SCEL: variants seen among roughly 807,000 people sequenced by gnomAD.
The protein encoded by SCEL is sciellin.
A neutral mutation model predicts 117.6 loss-of-function variants in SCEL; 113 were observed. The observed-to-expected ratio is 0.96, with a 90% CI of 0.83 to 1.12. The LOEUF is 1.12. SCEL is among the 50% of genes most tolerant of loss of function. SCEL has a pLI of 0.00. For synonymous variants in SCEL, 270 were observed against 256.2 expected (o/e 1.05, Z -0.51); for missense variants, 785 against 810.8 (o/e 0.97, Z 0.39).
intron 25 of SCEL, 27 bp from the exon 26 acceptor site, chr13:77,617,776 G>A: frequency 6.3e-7 from 1 of 1,576,344 alleles, no homozygotes. Flanking sequence ...AAATTAACCT[G>A]CTCTCATTTT....
Position 77,618,073 on chromosome 13 carries a change from G to C in SCEL, c.1628+13G>C. ...GAAACACTAATCGGTAAATGACCTT[G>C]ACTATCTTGACATGTTTACAAGTTT... On this transcript the variant is annotated intron_variant, in intron 27 of 32. Coordinates refer to ENST00000349847, the MANE Select transcript of SCEL (RefSeq NM_144777.3). The C allele has an allele frequency of 6.3e-7, 1 of 1,592,438 alleles. No individual in the cohort carries two copies. The highest frequency in any genetic ancestry group is 8.6e-7 in the Non-Finnish European group (1 of 1,160,248).
intron 14 of SCEL, 144 bp from the exon 15 acceptor site, chr13:77,599,545 T>A: frequency 1.2e-6 from 1 of 868,972 alleles, no homozygotes; most frequent in Non-Finnish European, 1.9e-6. Flanking sequence ...TCAGACATAA[T>A]TACCCAGAAG....
intron 1 of SCEL, among the ~76,000 whole-genome samples, chr13:77,550,387 A>AATAT (rs71203062): frequency 2.1e-4 from 31 of 144,496 alleles, no homozygotes; most frequent in African/African-American, 5.6e-4. Flanking sequence ...CTTTGTCTAA[A>AATAT]ATATATATAT....
chr13:77,545,112 C>T (rs1015872400), intron 1 of SCEL, among the ~76,000 whole-genome samples: 3 of 152,214 alleles, frequency 2.0e-5, no homozygotes, highest in Non-Finnish European at 4.4e-5. Flanking sequence ...CATCTTTTGT[C>T]ATAATATTAC....
At chr13:77,560,212 C>G (rs2084899451) in intron 4 of SCEL, among the ~76,000 whole-genome samples, 1 of 148,474 alleles carries the variant, frequency 6.7e-6, no homozygotes, top group South Asian at 2.1e-4. Context: ...GGGAGGATCT[C>G]TTGAGCCTAG....
chr13:77,631,547 ATTAACC>A (rs2090021493), intron 28 of SCEL, among the ~76,000 whole-genome samples: 1 of 152,198 alleles, frequency 6.6e-6, no homozygotes, highest in Admixed American at 6.5e-5. Flanking sequence ...ATAATTACAT[ATTAACC>A]TTAAGGGAAT....
chr13:77,536,212 A>G (rs1473107027), intron 1 of SCEL, among the ~76,000 whole-genome samples: 2 of 152,096 alleles, frequency 1.3e-5, no homozygotes, highest in Non-Finnish European at 2.9e-5. Context: ...TGTTTTCATA[A>G]ATGATGCTTT....
intron 31 of SCEL, among the ~76,000 whole-genome samples, chr13:77,642,092 A>T (rs2090582619): frequency 6.6e-6 from 1 of 152,186 alleles, no homozygotes; most frequent in Non-Finnish European, 1.5e-5. Flanking sequence ...TAGATCACTT[A>T]TTTCTATTTT....
At chr13:77,555,748 C>T (rs980214275) in intron 1 of SCEL, 109 bp from the exon 2 acceptor site, 1 of 738,646 alleles carries the variant, frequency 1.4e-6, no homozygotes, top group Non-Finnish European at 2.4e-6. Flanking sequence ...TATGACAGAT[C>T]CTGTGACTAT....
At chr13:77,552,101 A>G (rs192155476) in intron 1 of SCEL, among the ~76,000 whole-genome samples, 63 of 151,960 alleles carry the variant, frequency 4.1e-4, no homozygotes, top group African/African-American at 1.4e-3. Flanking sequence ...TCATTGTTGG[A>G]CATTTGGGTT....
chr13:77,640,663 T>G lies in SCEL; in HGVS notation c.1839-13T>G, dbSNP rs1487335213. The G allele has an allele frequency of 6.9e-7, 1 of 1,449,324 alleles. No individual in the cohort carries two copies. The highest frequency in any genetic ancestry group is 1.9e-5 in the Admixed American group (1 of 51,510). The allele number at this position is 1,449,324 out of a possible 1,614,324, so 89.8% of individuals were successfully genotyped here. A position where few individuals can be genotyped will look rare whatever the true frequency, so the allele number is the denominator to read the frequency against. ...TATGGCAAATTTATTTTTAATTGCTTACATTTCTATAGGTCTGTCATTGAA... is the reference window on the plus strand; with the variant it reads ...TATGGCAAATTTATTTTTAATTGCTGACATTTCTATAGGTCTGTCATTGAA... On this transcript the variant is annotated splice_polypyrimidine_tract_variant and intron_variant, in intron 30 of 32. Transcript: ENST00000349847.
intron 30 of SCEL, among the ~76,000 whole-genome samples, 165 bp downstream of exon 30, chr13:77,637,359 T>TATACATATATAAAC (rs1216655529): frequency 4.5e-4 from 19 of 41,936 alleles, no homozygotes; most frequent in Admixed American, 1.6e-3. Context: ...TATATAAACA[T>TATACATATATAAAC]ATATACATAT....
chr13:77,641,353 G>A (rs1292971443), intron 31 of SCEL, among the ~76,000 whole-genome samples: 2 of 152,158 alleles, frequency 1.3e-5, no homozygotes, highest in Non-Finnish European at 2.9e-5. Flanking sequence ...ACATTGGGTG[G>A]ATCAACATCA....
chr13:77,644,472 G>T lies in SCEL; in HGVS notation c.*198G>T. On this transcript the variant is annotated 3_prime_UTR_variant, in exon 33 of 33. Transcript: ENST00000349847. ...ACATAAAAAGAGCCATCTGGTCTCT[G>T]GCTAGAGTTAGCAATAAAAAGTTCA... 1 of 554,696 alleles carries T rather than the reference G, an allele frequency of 1.8e-6. No individual in the cohort carries two copies. The highest frequency in any genetic ancestry group is 3.2e-6 in the Non-Finnish European group (1 of 317,422). The allele number at this position is 554,696 out of a possible 1,614,324, so 34.4% of individuals were successfully genotyped here. A position where few individuals can be genotyped will look rare whatever the true frequency, so the allele number is the denominator to read the frequency against.
chr13:77,592,952 G>A (rs1408458757), intron 11 of SCEL, among the ~76,000 whole-genome samples: 1 of 152,076 alleles, frequency 6.6e-6, no homozygotes, highest in African/African-American at 2.4e-5. Context: ...GAATACATGA[G>A]CCCTCTATGT....
chr13:77,602,823 C>A, intron 17 of SCEL, 110 bp downstream of exon 17: 1 of 890,274 alleles, frequency 1.1e-6, no homozygotes, highest in East Asian at 2.5e-5. Context: ...TGTCTAATCC[C>A]TGGTGCCCTG....
chr13:77,611,426 A>G (rs2154403067), intron 22 of SCEL, among the ~76,000 whole-genome samples: 1 of 152,302 alleles, frequency 6.6e-6, no homozygotes, highest in Non-Finnish European at 1.5e-5. Context: ...CTGATTTGGC[A>G]TATATTAATA....
chr13:77,596,462 T>C (rs575759554), intron 12 of SCEL, among the ~76,000 whole-genome samples: 2 of 152,208 alleles, frequency 1.3e-5, no homozygotes, highest in South Asian at 4.1e-4. Context: ...ATACTTTATA[T>C]TCATGAGCTT....
chr13:77,577,585 T>C (rs576399813), intron 9 of SCEL, among the ~76,000 whole-genome samples: 157 of 152,216 alleles, frequency 1.0e-3, no homozygotes, highest in African/African-American at 3.7e-3. Context: ...GCAAACCATA[T>C]CACCAGGTTT....
Sources: allele counts gnomAD v4.1 joint callset (sites outside exome capture counted in the v4.1 genomes callset), GRCh38; gene constraint gnomAD v4.1.1; transcripts MANE v1.5; gene names NCBI Gene and HGNC (gene_info 2026-07-23, HGNC 2026-07-21).